Variants in TIGIT observed in about 807,000 individuals in gnomAD.
TIGIT encodes T-cell immunoreceptor with Ig and ITIM domains.
TIGIT carries 11 observed loss-of-function variants against 19.6 expected under a neutral mutation model. That is an observed-to-expected ratio of 0.56 (90% CI 0.35 to 0.93). The LOEUF is 0.93. Ranked by LOEUF, TIGIT falls within the 40% of genes least tolerant of loss-of-function variation. TIGIT has a pLI of 0.01. For synonymous variants in TIGIT, 130 were observed against 125.5 expected, an observed-to-expected ratio of 1.04 and a Z score of -0.24; for missense variants, 295 against 303.9, an observed-to-expected ratio of 0.97 and a Z score of 0.22.
intron 3 of TIGIT, among the ~76,000 whole-genome samples, chr3:114,305,729 A>G (rs2078529118): frequency 6.6e-6 from 1 of 151,874 alleles, no homozygotes; most frequent in South Asian, 2.1e-4. Flanking sequence ...TCTGAGCAGG[A>G]ACTGTACATT....
intron 2 of TIGIT, among the ~76,000 whole-genome samples, chr3:114,296,890 C>CTT (rs11289140): frequency 3.5e-4 from 40 of 112,842 alleles, no homozygotes; most frequent in Non-Finnish European, 5.1e-4. Context: ...AATGTTACTT[C>CTT]TTTTTTTTTT....
At position 114,308,814 on chromosome 3, in the gene TIGIT, A is replaced by G. The variant is rs2078552852; in HGVS notation, c.*683A>G. 6.6e-6 allele frequency: 1 copy of G among 152,350 alleles called. No homozygotes were observed. Among genetic ancestry groups the G allele is most frequent in the Non-Finnish European group, 1.5e-5 (1 of 68,132 alleles). 9.4% of individuals were successfully genotyped at this position (152,350 alleles called of 1,614,324 possible). ...GGAGCACCAAGGGGATGTTGAGGCT[A>G]GTCTGGGAGGAGCAGGAGTTTTGTC... On this transcript the variant is annotated 3_prime_UTR_variant, in exon 4 of 4. Coordinates refer to ENST00000383671, the MANE Select transcript of TIGIT (RefSeq NM_173799.4).
chr3:114,305,908 G>GATA (rs2078532063), intron 3 of TIGIT, among the ~76,000 whole-genome samples: 1 of 127,614 alleles, frequency 7.8e-6, no homozygotes, highest in African/African-American at 2.7e-5. Flanking sequence ...ATAGATAGAT[G>GATA]AGGAGGGATT....
chr3:114,301,827 T>G (rs113416464), intron 3 of TIGIT, among the ~76,000 whole-genome samples: 68 of 152,350 alleles, frequency 4.5e-4, no homozygotes, highest in African/African-American at 1.6e-3. Flanking sequence ...TTGGATATAG[T>G]TGTCAGTCTT....
intron 3 of TIGIT, among the ~76,000 whole-genome samples, chr3:114,306,430 A>G (rs2078535539): frequency 1.3e-5 from 2 of 152,146 alleles, no homozygotes; most frequent in African/African-American, 4.8e-5. Flanking sequence ...GCACAACAGC[A>G]TTCACTACAG....
chr3:114,299,895 A>AG (rs2078481753), intron 3 of TIGIT, among the ~76,000 whole-genome samples, 192 bp downstream of exon 3: 1 of 151,968 alleles, frequency 6.6e-6, no homozygotes, highest in African/African-American at 2.4e-5. Flanking sequence ...TCTCATAGGG[A>AG]GGGACCCCCT....
intron 3 of TIGIT, among the ~76,000 whole-genome samples, chr3:114,304,991 G>A (rs1380242390): frequency 1.3e-5 from 2 of 152,158 alleles, no homozygotes; most frequent in African/African-American, 4.8e-5. Context: ...CTTCAGCTGT[G>A]GATAGACGAG....
Position 114,308,163 on chromosome 3 carries a change from T to C in TIGIT, c.*32T>C. 1.9e-6 allele frequency: 3 copies of C among 1,578,722 alleles called. No homozygotes were observed. Among genetic ancestry groups the C allele is most frequent in the Non-Finnish European group, 2.6e-6 (3 of 1,149,498 alleles). The stretch of plus-strand genomic sequence containing the variant: ...GAGGCATCTTCTGGAAGATACACTT[T>C]TGTCTTTGCTATTATAGATGAATAT... On this transcript the variant is annotated 3_prime_UTR_variant, in exon 4 of 4. Coordinates refer to ENST00000383671, the MANE Select transcript of TIGIT (RefSeq NM_173799.4).
chr3:114,308,218 C>CGTGTGTGTGTGTGTGT lies in TIGIT; in HGVS notation c.*90_*105dup. The CGTGTGTGTGTGTGTGT allele has an allele frequency of 1.2e-6, 1 of 826,616 alleles. No individual in the cohort carries two copies. The highest frequency in any genetic ancestry group is 2.0e-6 in the Non-Finnish European group (1 of 499,090). 51.2% of individuals were successfully genotyped at this position (826,616 alleles called of 1,614,324 possible). A position where few individuals can be genotyped will look rare whatever the true frequency, so the allele number is the denominator to read the frequency against. On this transcript the variant is annotated 3_prime_UTR_variant, in exon 4 of 4. Transcript: ENST00000383671. ...GCAGCTGTACTCTCCATCAGTGCTG[C>CGTGTGTGTGTGTGTGT]GTGTGTGTGTGTGTGTGTATGTGTG...
At chr3:114,304,544 A>AC (rs918172361) in intron 3 of TIGIT, among the ~76,000 whole-genome samples, 37 of 152,258 alleles carry the variant, frequency 2.4e-4, no homozygotes, top group Non-Finnish European at 4.4e-4. Context: ...CTTATGTTCT[A>AC]CCCCCTACCA....
chr3:114,301,796 T>G (rs1484157517), intron 3 of TIGIT, among the ~76,000 whole-genome samples: 1 of 152,218 alleles, frequency 6.6e-6, no homozygotes. Flanking sequence ...GTGTGGGTCC[T>G]CTCTGCATCT....
intron 3 of TIGIT, 88 bp downstream of exon 3, chr3:114,299,791 G>A (rs1490306687): frequency 7.4e-6 from 6 of 805,702 alleles, no homozygotes; most frequent in Admixed American, 2.0e-5. Context: ...CCCAGAGAGA[G>A]ACCCAGATGT....
At chr3:114,307,865 A>G (rs780537432) in intron 3 of TIGIT, 30 bp from the exon 4 acceptor site, 115 of 1,597,036 alleles carry the variant, frequency 7.2e-5, no homozygotes, top group Non-Finnish European at 9.4e-5. Context: ...ACATCCCCAC[A>G]TACTCACTTT....
intron 3 of TIGIT, among the ~76,000 whole-genome samples, chr3:114,307,289 G>A (rs569647432): frequency 3.3e-5 from 5 of 152,318 alleles, no homozygotes; most frequent in East Asian, 3.9e-4. Context: ...CTGGAGCTCA[G>A]GGCAGAAGCC....
At position 114,307,905 on chromosome 3, in the gene TIGIT, T is replaced by G; in HGVS notation, c.509T>G (p.Leu170Arg). ...TTTGTTTGTTTTTAGAAGAAAGCCCTCAGAATCCATTCTGTGGAAGGTGAC... is the reference window on the plus strand; with the variant it reads ...TTTGTTTGTTTTTAGAAGAAAGCCCGCAGAATCCATTCTGTGGAAGGTGAC... ...VVALTRKKKA[L>R]RIHSVEGDLR... is the part of the protein sequence containing the mutation. Residue 170 changes from leucine (L) to arginine (R), a missense_variant, in exon 4 of 4, where the codon CTC becomes CGC. Leu to Arg is a moderately radical substitution (Grantham distance 102). Coordinates refer to ENST00000383671, the MANE Select transcript of TIGIT (RefSeq NM_173799.4). 6.2e-7 allele frequency: 1 copy of G among 1,613,872 alleles called. No homozygotes were observed. Among genetic ancestry groups the G allele is most frequent in the Non-Finnish European group, 8.5e-7 (1 of 1,179,780 alleles).
chr3:114,296,265 C>A (rs2078453117), intron 2 of TIGIT, among the ~76,000 whole-genome samples: 2 of 152,220 alleles, frequency 1.3e-5, no homozygotes, highest in African/African-American at 4.8e-5. Flanking sequence ...AAGAGTAGAG[C>A]TGGTTAAAAA....
In TIGIT at chr3:114,295,873, A is replaced by C; in HGVS notation, c.390A>C (p.Ser130=). 1 of 1,592,234 alleles carries C rather than the reference A, an allele frequency of 6.3e-7. No homozygotes were observed. The highest frequency in any genetic ancestry group is 8.6e-7 in the Non-Finnish European group (1 of 1,165,016). ...TCTTCCTGGAGGTCCTAGAAAGCTCAGGTATTCCTGCTGGAGCAAGTTGGT... is the reference window on the plus strand; with the variant it reads ...TCTTCCTGGAGGTCCTAGAAAGCTCCGGTATTCCTGCTGGAGCAAGTTGGT... ...GRIFLEVLES[S]VAEHGARFQI... Residue 130 remains serine, a splice_region_variant and synonymous_variant, in exon 2 of 4, where the codon TCA becomes TCC. Coordinates refer to ENST00000383671, the MANE Select transcript of TIGIT (RefSeq NM_173799.4).
chr3:114,298,303 T>C (rs1045635401), intron 2 of TIGIT, among the ~76,000 whole-genome samples: 13 of 152,204 alleles, frequency 8.5e-5, no homozygotes, highest in Admixed American at 3.3e-4. Flanking sequence ...TTGATACATC[T>C]AATATCCCAA....
intron 3 of TIGIT, among the ~76,000 whole-genome samples, chr3:114,307,390 G>C (rs545493514): frequency 6.6e-6 from 1 of 152,272 alleles, no homozygotes; most frequent in Non-Finnish European, 1.5e-5. Context: ...ATCACTCAGA[G>C]AGCATGTTTA....
Sources: gnomAD v4.1 joint callset for allele counts (sites outside exome capture counted in the v4.1 genomes callset) on GRCh38, gnomAD v4.1.1 for gene constraint, MANE v1.5 for transcripts, NCBI Gene and HGNC (gene_info 2026-07-23, HGNC 2026-07-21) for gene names.